The following HS6ST3 variants were observed in gnomAD, a reference collection of about 807,000 sequenced individuals.
The protein encoded by HS6ST3 is heparan sulfate 6-O-sulfotransferase 3.
Under a neutral mutation model 36.7 loss-of-function variants are expected in HS6ST3, and 12 were observed. The ratio of observed to expected loss-of-function variants is 0.33; its 90% CI spans 0.21 to 0.53. The LOEUF is 0.53. HS6ST3 is among the 20% of genes least tolerant of loss of function. The pLI is 0.95. For synonymous variants in HS6ST3, 240 were observed against 257.5 expected, an observed-to-expected ratio of 0.93 and a Z score of 0.65; for missense variants, 584 against 640.9, an observed-to-expected ratio of 0.91 and a Z score of 0.96.
At chr13:96,331,956 A>C (rs2055072208) in intron 1 of HS6ST3, among the ~76,000 whole-genome samples, 1 of 152,338 alleles carries the variant, frequency 6.6e-6, no homozygotes, top group East Asian at 1.9e-4. Flanking sequence ...AGGTGCCGTC[A>C]GTCACCCCTT....
At chr13:96,681,052 C>A (rs949609409) in intron 1 of HS6ST3, among the ~76,000 whole-genome samples, 1 of 152,142 alleles carries the variant, frequency 6.6e-6, no homozygotes, top group African/African-American at 2.4e-5. Context: ...TCAAAACGTG[C>A]CATATAGATA....
intron 1 of HS6ST3, among the ~76,000 whole-genome samples, chr13:96,364,720 GC>G (rs1297578475): frequency 6.6e-6 from 1 of 152,114 alleles, no homozygotes; most frequent in African/African-American, 2.4e-5. Context: ...TGTACTTAAT[GC>G]CACTGAAGTG....
intron 1 of HS6ST3, among the ~76,000 whole-genome samples, chr13:96,689,895 A>G (rs901511923): frequency 4.6e-5 from 7 of 152,030 alleles, no homozygotes; most frequent in Non-Finnish European, 1.0e-4. Context: ...TAACTTAGCT[A>G]TATGATAGAC....
At chr13:96,100,707 AGTGAATC>A (rs2053814265) in intron 1 of HS6ST3, among the ~76,000 whole-genome samples, 1 of 152,174 alleles carries the variant, frequency 6.6e-6, no homozygotes, top group African/African-American at 2.4e-5. Flanking sequence ...TGTCTTCCAG[AGTGAATC>A]CACTTAGAAG....
chr13:96,432,917 T>G (rs1487442214), intron 1 of HS6ST3, among the ~76,000 whole-genome samples: 1 of 152,214 alleles, frequency 6.6e-6, no homozygotes, highest in Non-Finnish European at 1.5e-5. Flanking sequence ...ATAAAAGGTC[T>G]TTAAGCTCTT....
intron 1 of HS6ST3, among the ~76,000 whole-genome samples, chr13:96,804,297 T>C (rs1594864257): frequency 6.6e-6 from 1 of 152,312 alleles, no homozygotes; most frequent in East Asian, 1.9e-4. Flanking sequence ...GTGGTGCAGA[T>C]GGCAGCCCCA....
chr13:96,637,835 CTT>C (rs1566417504), intron 1 of HS6ST3, among the ~76,000 whole-genome samples: 1 of 151,942 alleles, frequency 6.6e-6, no homozygotes, highest in Non-Finnish European at 1.5e-5. Flanking sequence ...AAAATTTTGT[CTT>C]TGTTTTGCTT....
chr13:96,717,249 A>G lies in HS6ST3; in HGVS notation c.708-115241A>G, dbSNP rs74107167. On this transcript the variant is annotated intron_variant, in intron 1 of 1. Transcript: ENST00000376705. ...GGCAGATCATATGATTCTGCTGTCC[A>G]CTTGCATGAAGTAAATCTCCTACAA... Among the ~76,000 whole-genome samples, 18 of 152,320 alleles carry G rather than the reference A, an allele frequency of 1.2e-4. 1 individual carries two copies. In the South Asian group the frequency reaches 3.7e-3, roughly 32 times the overall value.
rs116449963 is a variant in HS6ST3 at position 96,158,006 on chromosome 13, G to C, written c.707+66437G>C. On this transcript the variant is annotated intron_variant, in intron 1 of 1. Coordinates refer to ENST00000376705, the MANE Select transcript of HS6ST3 (RefSeq NM_153456.4). ...CGTGGGTGCCGGGATGGTAAATGCTGTGTTACTGGTGTACACAAAGTGGTT... is the reference window on the plus strand; with the variant it reads ...CGTGGGTGCCGGGATGGTAAATGCTCTGTTACTGGTGTACACAAAGTGGTT... 9.3e-3 allele frequency among the ~76,000 whole-genome samples: 1,409 copies of C among 152,320 alleles called. 27 individuals carry two copies. Among genetic ancestry groups the C allele is most frequent in the African/African-American group, 0.032 (1,351 of 41,580 alleles).
At chr13:96,508,623 A>G (rs927579580) in intron 1 of HS6ST3, among the ~76,000 whole-genome samples, 10 of 151,978 alleles carry the variant, frequency 6.6e-5, no homozygotes, top group African/African-American at 1.9e-4. Context: ...GTGAAAACAT[A>G]TGGCTTTTGG....
At chr13:96,267,061 G>A (rs2054696109) in intron 1 of HS6ST3, among the ~76,000 whole-genome samples, 1 of 152,070 alleles carries the variant, frequency 6.6e-6, no homozygotes, top group South Asian at 2.1e-4. Context: ...CGGGTTTTTT[G>A]TGTGCTGGTC....
chr13:96,215,628 A>G (rs907531882), intron 1 of HS6ST3, among the ~76,000 whole-genome samples: 1 of 152,130 alleles, frequency 6.6e-6, no homozygotes, highest in Non-Finnish European at 1.5e-5. Context: ...TTTGTTGTTA[A>G]AAAAAGCTTT....
At chr13:96,319,766 G>A (rs1341051071) in intron 1 of HS6ST3, among the ~76,000 whole-genome samples, 2 of 152,188 alleles carry the variant, frequency 1.3e-5, no homozygotes, top group East Asian at 1.9e-4. Context: ...TTTTGCAGGT[G>A]CATTTTAGGA....
chr13:96,090,944 C>T lies in HS6ST3; in HGVS notation c.82C>T (p.Pro28Ser), dbSNP rs368968234. ...GGTCATCATGTACCAGTACGTGTCCCCCTCCTGCACCAGCTCCTGCACCAA... is the reference window on the plus strand; with the variant it reads ...GGTCATCATGTACCAGTACGTGTCCTCCTCCTGCACCAGCTCCTGCACCAA... ...FVVIMYQYVS[P>S]SCTSSCTNFG... Residue 28 changes from proline to serine, a missense_variant, in exon 1 of 2, where the codon CCC (proline) becomes TCC (serine). By Grantham distance (74) the Pro-to-Ser change is moderately conservative (BLOSUM62 -1). Around this residue, in one of 3 missense-constraint regions of HS6ST3, gnomAD observed 217 missense variants for 205.4 expected, o/e 1.06. Coordinates refer to ENST00000376705, the MANE Select transcript of HS6ST3 (RefSeq NM_153456.4). The T allele has an allele frequency of 3.1e-5, 45 of 1,467,504 alleles. No individual in the cohort carries two copies. The African/African-American group carries it at 5.5e-4, about 18-fold the overall frequency. 90.9% of individuals were successfully genotyped at this position (1,467,504 alleles called of 1,614,324 possible). A position where few individuals can be genotyped will look rare whatever the true frequency, so the allele number is the denominator to read the frequency against.
At chr13:96,224,993 T>G (rs191427645) in intron 1 of HS6ST3, among the ~76,000 whole-genome samples, 57 of 152,362 alleles carry the variant, frequency 3.7e-4, no homozygotes, top group African/African-American at 1.4e-3. Flanking sequence ...TGAACTATTC[T>G]GAAGTTGAAT....
chr13:96,602,731 C>A (rs2056426026), intron 1 of HS6ST3, among the ~76,000 whole-genome samples: 1 of 152,178 alleles, frequency 6.6e-6, no homozygotes, highest in Admixed American at 6.5e-5. Flanking sequence ...CACAGTGGAT[C>A]TAGAACTGAT....
intron 1 of HS6ST3, among the ~76,000 whole-genome samples, chr13:96,682,116 AT>A (rs2138438440): frequency 6.6e-6 from 1 of 152,106 alleles, no homozygotes; most frequent in African/African-American, 2.4e-5. Context: ...CTTACTAATT[AT>A]TTTTCTTCTC....
chr13:96,805,092 A>G (rs1195751750), intron 1 of HS6ST3, among the ~76,000 whole-genome samples: 1 of 152,206 alleles, frequency 6.6e-6, no homozygotes, highest in Non-Finnish European at 1.5e-5. Context: ...CACTTGGTAG[A>G]AGTGGCCATG....
intron 1 of HS6ST3, among the ~76,000 whole-genome samples, chr13:96,298,917 G>T (rs76561448): frequency 0.025 from 3,842 of 152,206 alleles, 161 homozygotes; most frequent in African/African-American, 0.089. Flanking sequence ...TAAAGGAAAA[G>T]CAATATCCTT....
Sources: gnomAD v4.1 joint callset for allele counts (sites outside exome capture counted in the v4.1 genomes callset) on GRCh38, gnomAD v4.1.1 for gene constraint, gnomAD v4.1.1 regional missense constraint, MANE v1.5 for transcripts, NCBI Gene and HGNC (gene_info 2026-07-23, HGNC 2026-07-21) for gene names.